Variants in POLI observed in about 807,000 individuals in gnomAD.
POLI encodes DNA polymerase iota, also known as RAD30 homolog B.
A neutral mutation model predicts 51.6 loss-of-function variants in POLI; 58 were observed. The observed-to-expected ratio is 1.12, with a 90% CI of 0.91 to 1.40. The LOEUF (loss-of-function observed/expected upper bound fraction) is 1.40. Ranked by LOEUF, POLI falls within the 40% of genes most tolerant of loss-of-function variation. The probability of loss-of-function intolerance (pLI) is 0.00; values close to 1 mark genes in which losing one functional copy is unlikely to be tolerated. For missense variants in POLI, 921 were observed against 871.3 expected (o/e 1.06, Z -0.72); for synonymous variants, 322 against 299.7 (o/e 1.07, Z -0.77).
At chr18:54,307,691 G>T (rs555216417) in intron 3 of POLI, among the ~76,000 whole-genome samples, 61 of 152,270 alleles carry the variant, frequency 4.0e-4, no homozygotes, top group African/African-American at 1.4e-3. Context: ...GGGTGTTAAA[G>T]TCTCCCATTA....
Position 54,295,285 on chromosome 18 carries a change from C to G in POLI, c.*818C>G. On this transcript the variant is annotated 3_prime_UTR_variant, in exon 10 of 10. Coordinates refer to ENST00000579534, the MANE Select transcript of POLI (RefSeq NM_007195.3). ...AGCACTGAGATGTTTTTGTATCTTC[C>G]CTACATTTGGAGATGATATTAGGTT... is the stretch of plus-strand genomic sequence containing the variant. The G allele has an allele frequency of 1.1e-5, 11 of 984,084 alleles. No individual in the cohort carries two copies. Among genetic ancestry groups the G allele is most frequent in the Non-Finnish European group, 1.3e-5 (11 of 828,794 alleles). The allele number at this position is 984,084 out of a possible 1,614,324, so 61.0% of individuals were successfully genotyped here.
At chr18:54,319,959 T>C (rs1568163091) in intron 3 of POLI, among the ~76,000 whole-genome samples, 1 of 152,196 alleles carries the variant, frequency 6.6e-6, no homozygotes, top group African/African-American at 2.4e-5. Context: ...ATTTGGTGAT[T>C]TGTATGTTTA....
In POLI at chr18:54,296,998, GTA is replaced by G. The variant is rs1351062246; in HGVS notation, c.*2533_*2534del. 2 of 985,236 alleles carry G rather than the reference GTA, an allele frequency of 2.0e-6. No homozygotes were observed. Among genetic ancestry groups the G allele is most frequent in the East Asian group, 1.1e-4 (1 of 8,828 alleles). The allele number at this position is 985,236 out of a possible 1,614,324, so 61.0% of individuals were successfully genotyped here. A position where few individuals can be genotyped will look rare whatever the true frequency, so the allele number is the denominator to read the frequency against. ...CGAGAAGACAGAGGGCCTAAATTGT[GTA>G]TGTTTTCCTTCAGTATGATTTGAGT... is the stretch of plus-strand genomic sequence containing the variant. On this transcript the variant is annotated 3_prime_UTR_variant, in exon 10 of 10. Coordinates refer to ENST00000579534, the MANE Select transcript of POLI (RefSeq NM_007195.3).
intron 3 of POLI, among the ~76,000 whole-genome samples, chr18:54,312,750 C>A (rs1245585337): frequency 1.3e-5 from 2 of 152,052 alleles, no homozygotes; most frequent in Non-Finnish European, 2.9e-5. Flanking sequence ...GCTTGTATGT[C>A]TTCTTTTGAG....
chr18:54,292,866 T>C (rs150267364), intron 9 of POLI, among the ~76,000 whole-genome samples: 106 of 152,218 alleles, frequency 7.0e-4, no homozygotes, highest in African/African-American at 2.1e-3. Context: ...ACATTTTAAT[T>C]AATCTGTGAA....
intron 3 of POLI, among the ~76,000 whole-genome samples, chr18:54,310,497 T>TC (rs397768573): frequency 7.9e-5 from 12 of 151,932 alleles, no homozygotes; most frequent in African/African-American, 2.9e-4. Flanking sequence ...TTTTTTTTTT[T>TC]CTGGGAGAAA....
intron 3 of POLI, among the ~76,000 whole-genome samples, chr18:54,313,689 C>A (rs1027354966): frequency 5.3e-5 from 8 of 152,022 alleles, no homozygotes; most frequent in Admixed American, 2.0e-4. Context: ...TATGTGTATT[C>A]CTAGGCATTT....
chr18:54,301,484 T>C (rs910072612), downstream of POLI, among the ~76,000 whole-genome samples: 2 of 152,188 alleles, frequency 1.3e-5, no homozygotes, highest in Non-Finnish European at 2.9e-5. Flanking sequence ...ATTTTCAACT[T>C]CATAATGGTG....
intron 3 of POLI, 101 bp from the exon 4 acceptor site, chr18:54,277,602 C>G: frequency 1.4e-6 from 1 of 702,220 alleles, no homozygotes; most frequent in Non-Finnish European, 2.3e-6. Context: ...GTATATAAAA[C>G]CTTTAACAAT....
intron 7 of POLI, among the ~76,000 whole-genome samples, chr18:54,284,346 AATTTT>A (rs2087651390): frequency 6.6e-6 from 1 of 152,176 alleles, no homozygotes; most frequent in Non-Finnish European, 1.5e-5. Flanking sequence ...AAGAAGTTTT[AATTTT>A]TCCCTGTGGC....
At chr18:54,283,049 G>A (rs761067110) in intron 6 of POLI, 34 bp downstream of exon 6, 12 of 1,320,876 alleles carry the variant, frequency 9.1e-6, no homozygotes, top group Middle Eastern at 3.7e-4. Flanking sequence ...TTAAGTACTG[G>A]TTATCACATT....
Position 54,280,773 on chromosome 18 carries a change from T to C in POLI, c.666T>C (p.Ala222=), listed in dbSNP as rs912336629. 2 of 1,613,756 alleles carry C rather than the reference T, an allele frequency of 1.2e-6. No homozygotes were observed. The highest frequency in any genetic ancestry group is 1.7e-6 in the Non-Finnish European group (2 of 1,179,684). ...MYNQLGLTGC[A]GVASNKLLAK... is the part of the protein sequence containing the mutation. The stretch of plus-strand genomic sequence containing the variant: ...ATCAGTTGGGGCTCACTGGCTGTGC[T>C]GGAGTGGCTTCTAATAAACTGTTGG... The change falls in exon 5 of 10, where the codon GCT becomes GCC. Residue 222 remains alanine, a synonymous_variant. Transcript: ENST00000579534.
chr18:54,291,950 A>T lies in POLI; in HGVS notation c.1316A>T (p.Lys439Ile). ...CTAAGTGTGTGCTTCTGCAACCTTA[A>T]AGCACTAAATACTGCTAAGAAAGGG... ...TLLSVCFCNLKALNTAKKGLI... is the reference protein window; with the variant it reads ...TLLSVCFCNLIALNTAKKGLI... Residue 439 changes from lysine (K) to isoleucine (I), a missense_variant, in exon 9 of 10, where the codon AAA becomes ATA. By Grantham distance (102) the Lys-to-Ile change is moderately radical. Transcript: ENST00000579534. 1 of 1,609,858 alleles carries T rather than the reference A, an allele frequency of 6.2e-7. No homozygotes were observed. The highest frequency in any genetic ancestry group is 8.5e-7 in the Non-Finnish European group (1 of 1,176,636).
chr18:54,305,744 C>A (rs1456142621), intron 3 of POLI, among the ~76,000 whole-genome samples: 1 of 151,490 alleles, frequency 6.6e-6, no homozygotes, highest in Non-Finnish European at 1.5e-5. Flanking sequence ...AATTGAATAC[C>A]CTGTATTTCT....
At chr18:54,273,100 T>TA (rs916975690) in intron 2 of POLI, among the ~76,000 whole-genome samples, 3 of 151,984 alleles carry the variant, frequency 2.0e-5, no homozygotes, top group Non-Finnish European at 4.4e-5. Flanking sequence ...TCAACTTGTA[T>TA]AAAAAAAGAG....
intron 3 of POLI, among the ~76,000 whole-genome samples, chr18:54,306,412 C>G (rs1416487058): frequency 6.6e-6 from 1 of 152,030 alleles, no homozygotes; most frequent in African/African-American, 2.4e-5. Flanking sequence ...GCCTTGTATC[C>G]CAGGGATGAA....
chr18:54,316,836 T>C (rs1454154856), intron 3 of POLI, among the ~76,000 whole-genome samples: 1 of 152,136 alleles, frequency 6.6e-6, no homozygotes, highest in Non-Finnish European at 1.5e-5. Context: ...TCAGGCAAAA[T>C]GTAGAAAGCA....
chr18:54,279,468 C>T (rs766210428), intron 4 of POLI, among the ~76,000 whole-genome samples: 1 of 152,038 alleles, frequency 6.6e-6, no homozygotes, highest in Non-Finnish European at 1.5e-5. Flanking sequence ...GTCTTGAACT[C>T]CTAATCTCAG....
intron 9 of POLI, among the ~76,000 whole-genome samples, chr18:54,293,033 G>A (rs1428856707): frequency 3.3e-5 from 5 of 151,912 alleles, no homozygotes; most frequent in Admixed American, 2.0e-4. Context: ...TTGTGTTGAT[G>A]TTTACGGAGT....
Sources: allele counts gnomAD v4.1 joint callset (sites outside exome capture counted in the v4.1 genomes callset), GRCh38; gene constraint gnomAD v4.1.1; transcripts MANE v1.5; gene names NCBI Gene and HGNC (gene_info 2026-07-23, HGNC 2026-07-21).